Variants in FMR1NB observed in about 807,000 individuals in gnomAD.
FMR1NB encodes FMR1 neighbor protein.
Under a neutral mutation model 16.8 loss-of-function variants are expected in FMR1NB, and 10 were observed. The observed-to-expected ratio is 0.60, with a 90% CI of 0.37 to 1.01. The LOEUF (loss-of-function observed/expected upper bound fraction) is 1.01, where lower values mean the gene tolerates loss of function less well. FMR1NB is among the 50% of genes least tolerant of loss of function. The pLI is 0.01. For missense variants in FMR1NB, 205 were observed against 204.8 expected, an observed-to-expected ratio of 1.00 and a Z score of 0.00; for synonymous variants, 83 against 79.1, an observed-to-expected ratio of 1.05 and a Z score of -0.26.
At chrX:147,995,769 G>A (rs2044538535) in intron 1 of FMR1NB, among the ~76,000 whole-genome samples, 3 of 112,629 alleles carry the variant, frequency 2.7e-5, no homozygotes, top group African/African-American at 9.7e-5. Context: ...AGTGAATGAG[G>A]CATTACACAT....
intron 4 of FMR1NB, among the ~76,000 whole-genome samples, chrX:148,018,569 G>A (rs1295521921): frequency 9.0e-6 from 1 of 111,625 alleles, no homozygotes; most frequent in Non-Finnish European, 1.9e-5. Flanking sequence ...AACAAGCAAT[G>A]GGGAAAGCAT....
intron 1 of FMR1NB, among the ~76,000 whole-genome samples, chrX:148,001,628 T>C (rs182015692): frequency 1.0e-3 from 114 of 110,492 alleles, no homozygotes; most frequent in Non-Finnish European, 1.7e-3. Context: ...TGCATGCCTG[T>C]AATCTCAGCT....
chrX:147,992,995 C>T (rs1387254627), intron 1 of FMR1NB, among the ~76,000 whole-genome samples: 1 of 105,560 alleles, frequency 9.5e-6, no homozygotes, highest in East Asian at 3.0e-4. Flanking sequence ...CAGAGACACT[C>T]CTCACTTCCC....
In FMR1NB at chrX:147,981,553, G is replaced by C; in HGVS notation, c.151G>C (p.Asp51His). ...SHPGYEAAMA[D>H]RPQPGWRESL... ...TCCTGGATACGAGGCCGCCATGGCT[G>C]ACAGGCCTCAGCCAGGATGGCGGGA... The change falls in exon 1 of 6, where the codon GAC becomes CAC. Residue 51 changes from aspartate to histidine, a missense_variant. Asp to His is a moderately conservative substitution (Grantham distance 81). Transcript: ENST00000370467. 1 of 1,212,154 alleles carries C rather than the reference G, an allele frequency of 8.2e-7. No homozygotes were observed. Among genetic ancestry groups the C allele is most frequent in the Non-Finnish European group, 1.1e-6 (1 of 895,569 alleles).
At chrX:147,987,727 G>T (rs1232732847) in intron 1 of FMR1NB, among the ~76,000 whole-genome samples, 1 of 111,650 alleles carries the variant, frequency 9.0e-6, no homozygotes, top group East Asian at 2.8e-4. Context: ...CCTGTATTGG[G>T]TGCATATGTA....
At chrX:147,984,325 A>G (rs1246473338) in intron 1 of FMR1NB, among the ~76,000 whole-genome samples, 2 of 112,209 alleles carry the variant, frequency 1.8e-5, no homozygotes, top group Non-Finnish European at 3.8e-5. Context: ...TCTTAACAAT[A>G]TTAGGGATTC....
intron 1 of FMR1NB, among the ~76,000 whole-genome samples, chrX:147,991,622 A>C (rs1246943949): frequency 7.9e-5 from 7 of 88,542 alleles, no homozygotes; most frequent in East Asian, 6.5e-4. Context: ...TCCTTCCTTC[A>C]CTTATCATCA....
intron 1 of FMR1NB, among the ~76,000 whole-genome samples, chrX:148,001,279 T>G (rs1228264524): frequency 2.7e-5 from 3 of 112,330 alleles, no homozygotes; most frequent in Non-Finnish European, 5.6e-5. Flanking sequence ...CAAATGAGTC[T>G]ACATTTAATT....
chrX:148,001,047 C>T lies in FMR1NB; in HGVS notation c.278-2154C>T, dbSNP rs1020774293. ...AAAATATATGTATAAAAATCAATAG[C>T]TCTCTTACATACCATCAATCCACTA... On this transcript the variant is annotated intron_variant, in intron 1 of 5. Coordinates refer to ENST00000370467, the MANE Select transcript of FMR1NB (RefSeq NM_152578.3). Among the ~76,000 whole-genome samples, 3 of 111,861 alleles carry T rather than the reference C, an allele frequency of 2.7e-5. No homozygotes were observed. The East Asian group carries it at 8.4e-4, about 31-fold the overall frequency.
intron 1 of FMR1NB, among the ~76,000 whole-genome samples, chrX:147,986,433 T>C (rs191472907): frequency 6.2e-5 from 7 of 112,424 alleles, no homozygotes; most frequent in East Asian, 2.8e-4. Flanking sequence ...GATTTTCTTC[T>C]AGGGTTTTTA....
intron 4 of FMR1NB, among the ~76,000 whole-genome samples, chrX:148,023,567 T>C (rs1479281145): frequency 8.9e-6 from 1 of 112,060 alleles, no homozygotes; most frequent in Non-Finnish European, 1.9e-5. Context: ...TGGTATCTTC[T>C]TCTGCATGCT....
At chrX:148,025,654 G>T (rs894167553) in intron 5 of FMR1NB, among the ~76,000 whole-genome samples, 3 of 112,133 alleles carry the variant, frequency 2.7e-5, no homozygotes, top group African/African-American at 9.7e-5. Context: ...CTCAGGGACT[G>T]GGAGTAAGGA....
rs2044704335 is a variant in FMR1NB at position 148,026,487 on chromosome X, A to G, written c.*14-15A>G. On this transcript the variant is annotated splice_polypyrimidine_tract_variant and intron_variant, in intron 5 of 5. Transcript: ENST00000370467. ...TTTTCAAGTTGTTTAACCCTACTTT[A>G]CTTTTCTCCCATAGCATTATTTTCC... 1 of 111,565 alleles carries G rather than the reference A, an allele frequency of 9.0e-6. No individual in the cohort carries two copies. The allele number at this position is 111,565 out of a possible 1,213,427, so 9.2% of individuals were successfully genotyped here.
chrX:147,993,868 A>G (rs2044527839), intron 1 of FMR1NB, among the ~76,000 whole-genome samples: 2 of 110,031 alleles, frequency 1.8e-5, no homozygotes, highest in Non-Finnish European at 1.9e-5. Flanking sequence ...CTTCCACTTA[A>G]TGGTCTTTCT....
chrX:147,981,595 G>C lies in FMR1NB; in HGVS notation c.193G>C (p.Val65Leu). The change falls in exon 1 of 6, where the codon GTC (valine) becomes CTC (leucine). Residue 65 changes from valine (V) to leucine (L), a missense_variant. Physicochemically the swap from Val to Leu is conservative, Grantham distance 32. Coordinates refer to ENST00000370467, the MANE Select transcript of FMR1NB (RefSeq NM_152578.3). ...ATGGCGGGAATCTCTAAAGATGCGGGTCAGCAAACCCTTTGGGATGCTCAT... is the reference window on the plus strand; with the variant it reads ...ATGGCGGGAATCTCTAAAGATGCGGCTCAGCAAACCCTTTGGGATGCTCAT... The part of the protein sequence containing the change: ...PGWRESLKMR[V>L]SKPFGMLMLS... The C allele has an allele frequency of 3.3e-6, 4 of 1,211,460 alleles. No individual in the cohort carries two copies. The highest frequency in any genetic ancestry group is 4.5e-6 in the Non-Finnish European group (4 of 895,456).
chrX:147,999,412 T>C (rs1557188470), intron 1 of FMR1NB, among the ~76,000 whole-genome samples: 1 of 111,931 alleles, frequency 8.9e-6, no homozygotes, highest in Non-Finnish European at 1.9e-5. Flanking sequence ...TCCCTTCTCA[T>C]GTCATGTAGG....
intron 1 of FMR1NB, among the ~76,000 whole-genome samples, chrX:147,987,860 A>G (rs781929462): frequency 1.0e-5 from 1 of 98,398 alleles, no homozygotes; most frequent in Non-Finnish European, 2.1e-5. Context: ...TTTTCTTTCT[A>G]TTTGCTTGGT....
intron 4 of FMR1NB, among the ~76,000 whole-genome samples, chrX:148,013,858 C>A (rs782757939): frequency 8.9e-6 from 1 of 111,910 alleles, no homozygotes; most frequent in Non-Finnish European, 1.9e-5. Flanking sequence ...TCAGTGATTT[C>A]TTTAGTTTCC....
At chrX:148,013,762 T>C (rs2044636336) in intron 4 of FMR1NB, among the ~76,000 whole-genome samples, 1 of 111,812 alleles carries the variant, frequency 8.9e-6, no homozygotes. Context: ...AGATGTTTTA[T>C]CAGCACCTCA....
Sources: gnomAD v4.1 joint callset for allele counts (sites outside exome capture counted in the v4.1 genomes callset) on GRCh38, gnomAD v4.1.1 for gene constraint, MANE v1.5 for transcripts, NCBI Gene and HGNC (gene_info 2026-07-23, HGNC 2026-07-21) for gene names.